TECR: variants seen among roughly 807,000 people sequenced by gnomAD.
TECR encodes the protein trans-2,3-enoyl-CoA reductase, also known as very-long-chain enoyl-CoA reductase.
TECR carries 19 observed loss-of-function variants against 50.6 expected under a neutral mutation model. That is an observed-to-expected ratio of 0.38 (90% CI 0.26 to 0.55). The LOEUF is 0.55. TECR is among the 20% of genes least tolerant of loss of function. The pLI, the probability that TECR is intolerant of heterozygous loss-of-function variation, is 0.79. For missense variants in TECR, 313 were observed against 408.3 expected (o/e 0.77, Z 2.01); for synonymous variants, 168 against 163.5 (o/e 1.03, Z -0.21).
At position 14,562,690 on chromosome 19, in the gene TECR, A is replaced by C; in HGVS notation, c.66+115A>C. The C allele has an allele frequency of 3.3e-6, 4 of 1,217,652 alleles. No homozygotes were observed. The South Asian group carries it at 3.6e-5, about 11-fold the overall frequency. 75.4% of individuals were successfully genotyped at this position (1,217,652 alleles called of 1,614,324 possible). A position where few individuals can be genotyped will look rare whatever the true frequency, so the allele number is the denominator to read the frequency against. ...TTGTGCCCCACCCCCTGCCCTATGG[A>C]GGGGTATGCCCTCACTTGGGGTAGG... On this transcript the variant is annotated intron_variant, in intron 2 of 12. Coordinates refer to ENST00000215567, the MANE Select transcript of TECR (RefSeq NM_138501.6).
Position 14,563,572 on chromosome 19 carries a change from C to A in TECR, c.119-86C>A. On this transcript the variant is annotated intron_variant, in intron 3 of 12. Coordinates refer to ENST00000215567, the MANE Select transcript of TECR (RefSeq NM_138501.6). This position sits in a 1 kb window ranked among gnomAD's most constrained non-coding sequence, Gnocchi z 5.3. ...TCCTGGGGTCCTTGCACCCTGGGAA[C>A]CCTGAGAAGCTGGCACAGTGGCTGG... 6.3e-7 allele frequency: 1 copy of A among 1,582,882 alleles called. No homozygotes were observed. The highest frequency in any genetic ancestry group is 8.6e-7 in the Non-Finnish European group (1 of 1,157,878).
intron 1 of TECR, chr19:14,536,696 T>A (rs73002842): frequency 0.33 from 49,685 of 151,782 alleles, 8,806 homozygotes; most frequent in Non-Finnish European, 0.41. Context: ...AAGTCACAGG[T>A]AGGGTATTTA....
Position 14,565,052 on chromosome 19 carries a change from T to A in TECR, c.607-14T>A. On this transcript the variant is annotated splice_polypyrimidine_tract_variant and intron_variant, in intron 9 of 12. Transcript: ENST00000215567. ...AGTCTGGGCGGCCCTAGGCTGATCCTGCTTCTCTGACAGATCTGCCAGCTC... is the reference window on the plus strand; with the variant it reads ...AGTCTGGGCGGCCCTAGGCTGATCCAGCTTCTCTGACAGATCTGCCAGCTC... 1 of 1,613,902 alleles carries A rather than the reference T, an allele frequency of 6.2e-7. No individual in the cohort carries two copies. Among genetic ancestry groups the A allele is most frequent in the Non-Finnish European group, 8.5e-7 (1 of 1,180,026 alleles).
At chr19:14,550,174 G>A (rs1472357303) in intron 1 of TECR, among the ~76,000 whole-genome samples, 2 of 152,046 alleles carry the variant, frequency 1.3e-5, no homozygotes, top group Non-Finnish European at 2.9e-5. Flanking sequence ...GGCCTGGCAT[G>A]TGTCAGTGAA....
rs143975126 is a variant in TECR, at chr19:14,553,184, C to T, written c.16-9341C>T. ...ACCATCTTCCAAGGCTGGATTGCTA[C>T]CTGCTCGCTCGGGGCTCTGCTGGAT... On this transcript the variant is annotated intron_variant, in intron 1 of 12. Coordinates refer to ENST00000215567, the MANE Select transcript of TECR (RefSeq NM_138501.6). Among the ~76,000 whole-genome samples, 269 of 152,292 alleles carry T rather than the reference C, an allele frequency of 1.8e-3. 1 individual carries two copies. Among genetic ancestry groups the T allele is most frequent in the Middle Eastern group, 3.4e-3 (1 of 294 alleles).
At chr19:14,554,387 C>T (rs1175404922) in intron 1 of TECR, among the ~76,000 whole-genome samples, 1 of 152,210 alleles carries the variant, frequency 6.6e-6, no homozygotes, top group Non-Finnish European at 1.5e-5. Context: ...CCAAGCTTCC[C>T]GCTCTGGCCC....
intron 8 of TECR, 38 bp downstream of exon 8, chr19:14,564,896 C>T (rs746151678): frequency 3.1e-6 from 5 of 1,613,922 alleles, no homozygotes; most frequent in African/African-American, 1.3e-5. Flanking sequence ...CCCCCACGGT[C>T]CCCACCCAGC....
chr19:14,565,478 A>G lies in TECR; in HGVS notation c.754-140A>G, dbSNP rs963983856. On this transcript the variant is annotated intron_variant, in intron 11 of 12. Coordinates refer to ENST00000215567, the MANE Select transcript of TECR (RefSeq NM_138501.6). ...GTGTGCCGCTGGGCTTCCGCCGTAT[A>G]CAGCCCCGCCTCCGCTGGAATTGGG... The G allele has an allele frequency of 1.1e-5, 16 of 1,417,902 alleles. No homozygotes were observed. In the Admixed American group the frequency reaches 1.2e-4, roughly 10 times the overall value. 87.8% of individuals were successfully genotyped at this position (1,417,902 alleles called of 1,614,324 possible).
chr19:14,537,745 T>G (rs1450901501), intron 1 of TECR, among the ~76,000 whole-genome samples: 2 of 23,216 alleles, frequency 8.6e-5, no homozygotes, highest in Non-Finnish European at 1.5e-4. Context: ...ATTATCAGTG[T>G]TTTTTTTTTT....
In TECR at chr19:14,556,096, C is replaced by T. The variant is rs73927057; in HGVS notation, c.16-6429C>T. ...ACGTCCTCCCCGTGGCCCACAAAGC[C>T]GTGGCACAGACCGCCACATCACCTT... On this transcript the variant is annotated intron_variant, in intron 1 of 12. Coordinates refer to ENST00000215567, the MANE Select transcript of TECR (RefSeq NM_138501.6). 2.7e-3 allele frequency among the ~76,000 whole-genome samples: 407 copies of T among 152,290 alleles called. 4 individuals carry two copies. The highest frequency in any genetic ancestry group is 9.2e-3 in the African/African-American group (381 of 41,552).
At chr19:14,529,417 T>C (rs1217278137), upstream of TECR, 4 of 600,894 alleles carry the variant, frequency 6.7e-6, no homozygotes, top group Non-Finnish European at 1.2e-5. Flanking sequence ...TAGCCCCTCC[T>C]ACAGGCGTTC....
chr19:14,554,366 C>T (rs922560536), intron 1 of TECR, among the ~76,000 whole-genome samples: 4 of 152,188 alleles, frequency 2.6e-5, no homozygotes, highest in Non-Finnish European at 4.4e-5. Flanking sequence ...GAGATGAGGC[C>T]GGCCCAGAAT....
chr19:14,530,207 G>A (rs1338438039), intron 1 of TECR: 1 of 177,864 alleles, frequency 5.6e-6, no homozygotes, highest in Non-Finnish European at 1.2e-5. Context: ...GCAGCTCCAC[G>A]GCTGGCTTTC....
At chr19:14,556,719 AT>A (rs1568421578) in intron 1 of TECR, among the ~76,000 whole-genome samples, 1 of 152,156 alleles carries the variant, frequency 6.6e-6, no homozygotes, top group Non-Finnish European at 1.5e-5. Flanking sequence ...TTAAGGTCCC[AT>A]TCTGCACCAG....
chr19:14,546,074 T>G (rs113108880), intron 1 of TECR, among the ~76,000 whole-genome samples: 10,845 of 151,950 alleles, frequency 0.071, 699 homozygotes, highest in African/African-American at 0.17. Flanking sequence ...GCCTGGAAGG[T>G]GAGGAAGTGA....
At chr19:14,529,778 C>T in intron 1 of TECR, 67 bp downstream of exon 1, 1 of 1,607,934 alleles carries the variant, frequency 6.2e-7, no homozygotes, top group South Asian at 1.1e-5. Flanking sequence ...TTTGCGGGAC[C>T]ACGGGACCCC....
chr19:14,559,675 T>C (rs1419124030), intron 1 of TECR, among the ~76,000 whole-genome samples: 1 of 151,862 alleles, frequency 6.6e-6, no homozygotes, highest in Non-Finnish European at 1.5e-5. Context: ...TAATCCCAGC[T>C]ACTCTGGAGG....
At chr19:14,533,007 C>T (rs1025965986) in intron 1 of TECR, among the ~76,000 whole-genome samples, 42 of 151,858 alleles carry the variant, frequency 2.8e-4, no homozygotes, top group African/African-American at 9.2e-4. Flanking sequence ...CTACTGGCTT[C>T]GAGGCTGAGG....
At chr19:14,558,462 G>T (rs1223448744) in intron 1 of TECR, among the ~76,000 whole-genome samples, 1 of 152,232 alleles carries the variant, frequency 6.6e-6, no homozygotes, top group African/African-American at 2.4e-5. Context: ...TCTTGGCTCT[G>T]CCCTGACCTC....
Sources: gnomAD v4.1 joint callset for allele counts (sites outside exome capture counted in the v4.1 genomes callset) on GRCh38, gnomAD v4.1.1 for gene constraint, Gnocchi (gnomAD v3.1) non-coding constraint, MANE v1.5 for transcripts, NCBI Gene and HGNC (gene_info 2026-07-23, HGNC 2026-07-21) for gene names.